Variants in KAZN observed in about 807,000 individuals in gnomAD.
KAZN encodes the protein kazrin, periplakin interacting protein.
A neutral mutation model predicts 87.4 loss-of-function variants in KAZN; 40 were observed. The observed-to-expected ratio is 0.46, with a 90% CI of 0.36 to 0.60. The LOEUF is 0.60. Ranked by LOEUF, KAZN falls within the 20% of genes least tolerant of loss-of-function variation. KAZN has a pLI of 0.00. For synonymous variants in KAZN, 466 were observed against 458.3 expected (o/e 1.02, Z -0.22); for missense variants, 898 against 1,073.9 (o/e 0.84, Z 2.29).
rs183435679 is a variant in KAZN, at chr1:14,407,402, A to C, written c.250-191581A>C. On this transcript the variant is annotated intron_variant, in intron 2 of 16. Coordinates refer to the KAZN transcript ENST00000636203. ...CTGGTCATTGAAAGAAGTCCTTACA[A>C]AGACTATCCAACAGGCAAAAGAATC... Among the ~76,000 whole-genome samples the C allele has an allele frequency of 1.1e-4, 17 of 152,344 alleles. 1 individual carries two copies. The highest frequency in any genetic ancestry group is 7.2e-4 in the Admixed American group (11 of 15,308).
intron 8 of KAZN, among the ~76,000 whole-genome samples, chr1:15,075,524 A>T (rs963278897): frequency 1.3e-5 from 2 of 152,116 alleles, no homozygotes; most frequent in Non-Finnish European, 2.9e-5. Context: ...CGGGCCCTTC[A>T]GCTCCACTAT....
At chr1:15,003,312 T>C (rs1052440552) in intron 2 of KAZN, among the ~76,000 whole-genome samples, 1 of 152,156 alleles carries the variant, frequency 6.6e-6, no homozygotes, top group East Asian at 1.9e-4. Flanking sequence ...TCTCTATTGC[T>C]CCAGTTGGCA....
intron 1 of KAZN, among the ~76,000 whole-genome samples, chr1:14,069,743 G>T (rs888974956): frequency 2.6e-5 from 4 of 152,186 alleles, no homozygotes; most frequent in Non-Finnish European, 5.9e-5. Flanking sequence ...TGGAGGAAGG[G>T]AGGGAAACCC....
At chr1:14,359,087 T>C (rs974058919) in intron 2 of KAZN, among the ~76,000 whole-genome samples, 14 of 152,188 alleles carry the variant, frequency 9.2e-5, no homozygotes, top group Non-Finnish European at 2.1e-4. Context: ...AAGAACTTGC[T>C]TTATGAATCT....
intron 1 of KAZN, among the ~76,000 whole-genome samples, chr1:14,017,346 A>G (rs1640618365): frequency 6.6e-6 from 1 of 152,226 alleles, no homozygotes; most frequent in South Asian, 2.1e-4. Context: ...TAGATTCAGG[A>G]AGTAACTTGT....
intron 1 of KAZN, among the ~76,000 whole-genome samples, chr1:13,979,453 A>T (rs985276518): frequency 6.6e-6 from 1 of 152,224 alleles, no homozygotes; most frequent in African/African-American, 2.4e-5. Flanking sequence ...ACTTCAAAAT[A>T]TTAAGATAAA....
chr1:14,717,233 C>T (rs1429388931), intron 1 of KAZN, among the ~76,000 whole-genome samples: 9 of 151,902 alleles, frequency 5.9e-5, no homozygotes, highest in African/African-American at 2.2e-4. Context: ...GTGTTCATCT[C>T]ATGTGTCCAT....
chr1:14,089,343 T>A (rs1249697535), intron 1 of KAZN, among the ~76,000 whole-genome samples: 1 of 152,152 alleles, frequency 6.6e-6, no homozygotes, highest in Non-Finnish European at 1.5e-5. Context: ...TTCATTTCAA[T>A]ACATATATGA....
chr1:14,003,011 A>C (rs1487871151), intron 1 of KAZN, among the ~76,000 whole-genome samples: 1 of 152,226 alleles, frequency 6.6e-6, no homozygotes, highest in Admixed American at 6.5e-5. Context: ...ATGCCATGGA[A>C]TACTATGCAG....
intron 1 of KAZN, among the ~76,000 whole-genome samples, chr1:14,711,184 C>T (rs1220677367): frequency 1.3e-5 from 2 of 152,048 alleles, no homozygotes. Flanking sequence ...CAAAGCCAGA[C>T]CTTGTCTCTA....
At chr1:14,356,982 T>C (rs1233366496) in intron 2 of KAZN, among the ~76,000 whole-genome samples, 3 of 152,196 alleles carry the variant, frequency 2.0e-5, no homozygotes, top group Admixed American at 6.5e-5. Flanking sequence ...GGTGGCTTGA[T>C]AGGGATAGCA....
intron 2 of KAZN, among the ~76,000 whole-genome samples, chr1:14,273,805 C>A (rs1652135862): frequency 6.6e-6 from 1 of 151,036 alleles, no homozygotes; most frequent in Non-Finnish European, 1.5e-5. Context: ...AAAACAAGAT[C>A]TTTCTCAAAG....
intron 1 of KAZN, among the ~76,000 whole-genome samples, chr1:14,846,573 C>T (rs536841003): frequency 1.3e-5 from 2 of 152,290 alleles, no homozygotes; most frequent in East Asian, 1.9e-4. Context: ...CACAAGAACA[C>T]ATATTTATTT....
intron 1 of KAZN, among the ~76,000 whole-genome samples, chr1:14,731,837 T>C (rs1643691019): frequency 1.3e-5 from 2 of 152,164 alleles, no homozygotes; most frequent in Admixed American, 1.3e-4. Context: ...TCCTGGTCTG[T>C]AGAAGGAGGA....
At chr1:14,546,484 A>G (rs1673154188) in intron 2 of KAZN, among the ~76,000 whole-genome samples, 1 of 151,674 alleles carries the variant, frequency 6.6e-6, no homozygotes, top group South Asian at 2.1e-4. Context: ...AGAAGAGAAG[A>G]GCCTTTCCCC....
At chr1:14,615,625 C>CAA (rs1198279999) in intron 1 of KAZN, among the ~76,000 whole-genome samples, 6 of 117,862 alleles carry the variant, frequency 5.1e-5, no homozygotes, top group African/African-American at 6.3e-5. Flanking sequence ...GACTCCATCT[C>CAA]AAAAAAAAAA....
In KAZN at chr1:15,060,321, G is replaced by A; in HGVS notation, c.1047+19G>A. On this transcript the variant is annotated intron_variant, in intron 6 of 14. Transcript: ENST00000376030. ...CTGCAACGTAAGGCCAGCAGCAGCG[G>A]GGCCTGGGCCCCTGGGCCCTGCCCA... The A allele has an allele frequency of 6.2e-7, 1 of 1,613,966 alleles. No homozygotes were observed. The highest frequency in any genetic ancestry group is 1.1e-5 in the South Asian group (1 of 91,064).
chr1:14,298,722 T>TG (rs1654310875), intron 2 of KAZN, among the ~76,000 whole-genome samples: 1 of 152,210 alleles, frequency 6.6e-6, no homozygotes, highest in Admixed American at 6.5e-5. Context: ...TTTGGAAATG[T>TG]GGGGGAGAGA....
At chr1:14,562,257 T>C (rs4661291) in intron 2 of KAZN, among the ~76,000 whole-genome samples, 32,513 of 152,206 alleles carry the variant, frequency 0.21, 4,196 homozygotes, top group Middle Eastern at 0.31. Context: ...TCAAAGCATC[T>C]GAGACCAAAT....
Sources: gnomAD v4.1 joint callset for allele counts (sites outside exome capture counted in the v4.1 genomes callset) on GRCh38, gnomAD v4.1.1 for gene constraint, MANE v1.5 for transcripts, NCBI Gene and HGNC (gene_info 2026-07-23, HGNC 2026-07-21) for gene names.